HYAL4: variants seen among roughly 807,000 people sequenced by gnomAD.
HYAL4 encodes the protein hyaluronidase-4.
In HYAL4, 37 loss-of-function variants were observed where a neutral mutation model predicts 35.2. The observed-to-expected ratio is 1.05, with a 90% CI of 0.81 to 1.38. HYAL4 has a LOEUF of 1.38. Ranked by LOEUF, HYAL4 falls within the 40% of genes most tolerant of loss-of-function variation. The pLI is 0.00. For missense variants in HYAL4, 572 were observed against 572.4 expected, an observed-to-expected ratio of 1.00 and a Z score of 0.01; for synonymous variants, 198 against 203.2, an observed-to-expected ratio of 0.97 and a Z score of 0.22.
chr7:123,860,279 C>T (rs1405764734), intron 2 of HYAL4, among the ~76,000 whole-genome samples: 1 of 152,100 alleles, frequency 6.6e-6, no homozygotes, highest in East Asian at 1.9e-4. Flanking sequence ...TATAAATTAC[C>T]CAGTCTCAGG....
chr7:123,773,909 A>T, the HYAL4 span, among the ~76,000 whole-genome samples: 1 of 152,226 alleles, frequency 6.6e-6, no homozygotes, highest in Non-Finnish European at 1.5e-5. Flanking sequence ...TCATCCATCC[A>T]TTCATCAAAC....
chr7:123,856,599 C>T (rs1806443355), intron 2 of HYAL4, among the ~76,000 whole-genome samples: 2 of 152,128 alleles, frequency 1.3e-5, no homozygotes, highest in African/African-American at 4.8e-5. Context: ...AGATGCCAGC[C>T]AGAGCTCTCC....
chr7:123,872,063 T>C (rs1370519208), intron 3 of HYAL4, among the ~76,000 whole-genome samples: 1 of 152,198 alleles, frequency 6.6e-6, no homozygotes, highest in Non-Finnish European at 1.5e-5. Flanking sequence ...CATGGACATA[T>C]TGAGTAGTGG....
At chr7:123,804,684 C>T in the HYAL4 span, among the ~76,000 whole-genome samples, 4 of 152,132 alleles carry the variant, frequency 2.6e-5, no homozygotes, top group African/African-American at 9.7e-5. Flanking sequence ...CACATTAGAC[C>T]TTGAACTTCT....
At chr7:123,861,951 T>C (rs576394519) in intron 2 of HYAL4, among the ~76,000 whole-genome samples, 2 of 152,238 alleles carry the variant, frequency 1.3e-5, no homozygotes, top group South Asian at 2.1e-4. Flanking sequence ...GTATGAAAAA[T>C]ACTTAATTGA....
chr7:123,787,867 A>C, the HYAL4 span, among the ~76,000 whole-genome samples: 1 of 152,228 alleles, frequency 6.6e-6, no homozygotes, highest in Non-Finnish European at 1.5e-5. Flanking sequence ...AACAGCAGGG[A>C]AATCCAAAAA....
chr7:123,876,699 T>C (rs1285390500), intron 4 of HYAL4, 55 bp from the exon 5 acceptor site: 6 of 1,545,590 alleles, frequency 3.9e-6, no homozygotes. Context: ...TCGATTTCTT[T>C]GTACATTTCT....
chr7:123,804,956 G>A, the HYAL4 span, among the ~76,000 whole-genome samples: 1 of 152,166 alleles, frequency 6.6e-6, no homozygotes, highest in Admixed American at 6.5e-5. Flanking sequence ...CAGATGTGGA[G>A]GTGGGGTCTC....
At chr7:123,837,164 G>T (rs1343896884) in intron 1 of HYAL4, among the ~76,000 whole-genome samples, 1 of 152,182 alleles carries the variant, frequency 6.6e-6, no homozygotes, top group Non-Finnish European at 1.5e-5. Flanking sequence ...CATTTGTGAA[G>T]ATTAGTTTTG....
intron 3 of HYAL4, among the ~76,000 whole-genome samples, chr7:123,873,463 A>G (rs1323819677): frequency 6.6e-6 from 1 of 151,966 alleles, no homozygotes. Flanking sequence ...GTGTTAGACA[A>G]TAAAAGTGTC....
At chr7:123,820,692 A>G in the HYAL4 span, among the ~76,000 whole-genome samples, 1 of 152,266 alleles carries the variant, frequency 6.6e-6, no homozygotes, top group South Asian at 2.1e-4. Context: ...CATAGACACT[A>G]TGTTGTACAG....
the HYAL4 span, among the ~76,000 whole-genome samples, chr7:123,799,776 C>T: frequency 2.6e-5 from 4 of 152,226 alleles, no homozygotes; most frequent in South Asian, 4.2e-4. Context: ...GGAATGACTG[C>T]ACTTTAAACA....
In HYAL4 at chr7:123,848,121, C is replaced by T. The variant is rs1806214595; in HGVS notation, c.-89C>T. The T allele has an allele frequency of 6.6e-6, 1 of 152,524 alleles. No individual in the cohort carries two copies. The allele number at this position is 152,524 out of a possible 1,614,324, so 9.4% of individuals were successfully genotyped here. On this transcript the variant is annotated 5_prime_UTR_variant, in exon 2 of 5. Transcript: ENST00000223026. The stretch of plus-strand genomic sequence containing the variant: ...TTTGCCATTCAACCTCTGATTTGCA[C>T]AAGGTGACTAAAGGACCAGCAGCAA...
At chr7:123,855,378 C>CTCT (rs1365687074) in intron 2 of HYAL4, among the ~76,000 whole-genome samples, 1 of 151,854 alleles carries the variant, frequency 6.6e-6, no homozygotes, top group Non-Finnish European at 1.5e-5. Context: ...CCTTCAGGAG[C>CTCT]TCTTGTAAGG....
chr7:123,875,415 C>T (rs1584929893), intron 4 of HYAL4, among the ~76,000 whole-genome samples: 1 of 151,948 alleles, frequency 6.6e-6, no homozygotes, highest in East Asian at 1.9e-4. Flanking sequence ...CCTGTAATTC[C>T]TGCATTTTGG....
At chr7:123,816,928 A>G in the HYAL4 span, among the ~76,000 whole-genome samples, 1 of 152,172 alleles carries the variant, frequency 6.6e-6, no homozygotes, top group African/African-American at 2.4e-5. Flanking sequence ...ATTTAGGTTT[A>G]AGGAATGTGA....
At chr7:123,773,554 T>G in the HYAL4 span, among the ~76,000 whole-genome samples, 1 of 152,204 alleles carries the variant, frequency 6.6e-6, no homozygotes, top group Non-Finnish European at 1.5e-5. Flanking sequence ...ATAGATTTTA[T>G]CTCACAGAAT....
chr7:123,845,762 C>G (rs1456421856), intron 1 of HYAL4, 77 bp downstream of exon 1: 2 of 152,114 alleles, frequency 1.3e-5, no homozygotes, highest in South Asian at 4.1e-4. Flanking sequence ...TTTTCTGGTT[C>G]CTTCTCACTT....
At chr7:123,847,855 A>G (rs1014254797) in intron 1 of HYAL4, among the ~76,000 whole-genome samples, 2 of 152,210 alleles carry the variant, frequency 1.3e-5, no homozygotes, top group African/African-American at 4.8e-5. Flanking sequence ...TGGAAGTCTT[A>G]CATATACAGT....
Sources: gnomAD v4.1 joint callset for allele counts (sites outside exome capture counted in the v4.1 genomes callset) on GRCh38, gnomAD v4.1.1 for gene constraint, MANE v1.5 for transcripts, NCBI Gene and HGNC (gene_info 2026-07-23, HGNC 2026-07-21) for gene names.